Variants in BACH2 observed in about 807,000 individuals in gnomAD.
BACH2 encodes the protein BACH transcriptional regulator 2, also known as transcription regulator protein BACH2.
In BACH2, 5 loss-of-function variants were observed where a neutral mutation model predicts 61.8. The ratio of observed to expected loss-of-function variants is 0.08; its 90% CI spans 0.04 to 0.17. The LOEUF (loss-of-function observed/expected upper bound fraction) is 0.17. Among genes scored for constraint, BACH2 ranks in the 10% least tolerant of loss-of-function variants. BACH2 has a pLI of 1.00. For missense variants in BACH2, 824 were observed against 1,091.1 expected, an observed-to-expected ratio of 0.76 and a Z score of 3.45; for synonymous variants, 446 against 440.1, an observed-to-expected ratio of 1.01 and a Z score of -0.17.
chr6:90,179,011 G>A (rs1294544484), intron 4 of BACH2, among the ~76,000 whole-genome samples: 1 of 152,110 alleles, frequency 6.6e-6, no homozygotes, highest in Non-Finnish European at 1.5e-5. Context: ...ATATACTTAG[G>A]AGGAAGGTAT....
At chr6:90,026,842 T>A (rs1396930809) in intron 5 of BACH2, among the ~76,000 whole-genome samples, 1 of 152,170 alleles carries the variant, frequency 6.6e-6, no homozygotes, top group South Asian at 2.1e-4. Flanking sequence ...GACAAAATGA[T>A]TCTGTTCTGA....
chr6:90,117,872 C>T (rs558344734), intron 4 of BACH2, among the ~76,000 whole-genome samples: 1 of 151,950 alleles, frequency 6.6e-6, no homozygotes, highest in Non-Finnish European at 1.5e-5. Flanking sequence ...TTTTTCGTAC[C>T]AAGCGAGAAT....
intron 4 of BACH2, among the ~76,000 whole-genome samples, chr6:90,102,419 T>C (rs1782675089): frequency 1.3e-5 from 2 of 152,156 alleles, no homozygotes; most frequent in Non-Finnish European, 2.9e-5. Context: ...GGCCTCGCCA[T>C]TCTCAAAGGG....
rs190322101 is a variant in BACH2 at position 89,980,921 on chromosome 6, G to A, written c.243+27681C>T. Among the ~76,000 whole-genome samples the A allele has an allele frequency of 8.0e-3, 1,204 of 150,574 alleles. 10 individuals are homozygous for A. Among genetic ancestry groups the A allele is most frequent in the Non-Finnish European group, 0.014 (934 of 67,788 alleles). ...TTTTCAGTTTTTTTTTTTTTAACCA[G>A]TGAATGGGGTTAGAATGTTCTTCTT... On this transcript the variant is annotated intron_variant, in intron 6 of 8. Coordinates refer to ENST00000257749, the MANE Select transcript of BACH2 (RefSeq NM_021813.4).
chr6:90,273,584 T>A (rs1404180314), intron 1 of BACH2, among the ~76,000 whole-genome samples: 1 of 152,174 alleles, frequency 6.6e-6, no homozygotes. Context: ...ATTTGGCTTA[T>A]ACAGTGTGGA....
chr6:90,011,371 C>T (rs1187882110), intron 5 of BACH2, among the ~76,000 whole-genome samples: 1 of 152,000 alleles, frequency 6.6e-6, no homozygotes, highest in Non-Finnish European at 1.5e-5. Context: ...ATGTATGAAT[C>T]TATTTATGGA....
chr6:90,149,298 G>T (rs1784731419), intron 4 of BACH2, among the ~76,000 whole-genome samples: 1 of 152,188 alleles, frequency 6.6e-6, no homozygotes, highest in African/African-American at 2.4e-5. Flanking sequence ...ATGCTCAAAA[G>T]AACTCAGAAA....
intron 4 of BACH2, among the ~76,000 whole-genome samples, chr6:90,103,822 G>A (rs1180717587): frequency 2.6e-5 from 4 of 152,178 alleles, no homozygotes; most frequent in Admixed American, 2.6e-4. Flanking sequence ...CTCTTGGAGA[G>A]TTAAATGAAG....
At chr6:90,277,919 T>C (rs1217625267) in intron 1 of BACH2, among the ~76,000 whole-genome samples, 1 of 152,198 alleles carries the variant, frequency 6.6e-6, no homozygotes, top group African/African-American at 2.4e-5. Flanking sequence ...AATGTACTTA[T>C]CCGAGAAGCC....
intron 2 of BACH2, among the ~76,000 whole-genome samples, chr6:90,270,170 C>A (rs767983617): frequency 6.6e-6 from 1 of 152,224 alleles, no homozygotes; most frequent in Middle Eastern, 3.4e-3. Context: ...TTTGAAATTG[C>A]GAATTGTGCT....
At chr6:90,126,565 T>C (rs1040426992) in intron 4 of BACH2, among the ~76,000 whole-genome samples, 2 of 152,186 alleles carry the variant, frequency 1.3e-5, no homozygotes, top group East Asian at 3.8e-4. Flanking sequence ...TCAACCCTAG[T>C]GAAGTGATTA....
At chr6:90,158,842 A>T (rs372204678) in intron 4 of BACH2, among the ~76,000 whole-genome samples, 350 of 152,194 alleles carry the variant, frequency 2.3e-3, no homozygotes, top group African/African-American at 8.1e-3. Context: ...GTCCTCTCTC[A>T]GCAAATGAAA....
chr6:90,012,327 T>C (rs918786586), intron 5 of BACH2, among the ~76,000 whole-genome samples: 2 of 151,960 alleles, frequency 1.3e-5, no homozygotes, highest in African/African-American at 4.8e-5. Flanking sequence ...TTTATTTAGA[T>C]CATCTTGAAT....
intron 6 of BACH2, among the ~76,000 whole-genome samples, chr6:89,986,222 T>G (rs1296501949): frequency 2.0e-5 from 3 of 151,230 alleles, no homozygotes; most frequent in Non-Finnish European, 1.5e-5. Context: ...AGTCTGAGTT[T>G]TTTTTTTTTT....
chr6:90,099,389 A>AT (rs3072648), intron 4 of BACH2, among the ~76,000 whole-genome samples: 5 of 151,642 alleles, frequency 3.3e-5, no homozygotes, highest in East Asian at 1.9e-4. Flanking sequence ...CTTTTGTTTT[A>AT]TTTTTTTTAG....
At chr6:90,128,289 TA>T (rs1162764808) in intron 4 of BACH2, among the ~76,000 whole-genome samples, 1 of 151,916 alleles carries the variant, frequency 6.6e-6, no homozygotes, top group Non-Finnish European at 1.5e-5. Flanking sequence ...TGTTTGGTGG[TA>T]AGAGTCTATA....
chr6:89,942,600 G>A (rs1416171868), intron 7 of BACH2, among the ~76,000 whole-genome samples: 3 of 152,124 alleles, frequency 2.0e-5, no homozygotes, highest in Non-Finnish European at 2.9e-5. Flanking sequence ...GTGGACTGTC[G>A]CCATCCCCAC....
intron 4 of BACH2, among the ~76,000 whole-genome samples, chr6:90,184,945 T>C (rs1365514687): frequency 2.0e-5 from 3 of 152,234 alleles, no homozygotes; most frequent in African/African-American, 7.2e-5. Flanking sequence ...GTTAGCTCCA[T>C]GGCCTGTGGC....
At chr6:90,285,593 T>C (rs1771995708) in intron 1 of BACH2, among the ~76,000 whole-genome samples, 1 of 152,214 alleles carries the variant, frequency 6.6e-6, no homozygotes, top group South Asian at 2.1e-4. Flanking sequence ...TGAATCTTTA[T>C]GCAGTCCCTA....
Sources: gnomAD v4.1 joint callset for allele counts (sites outside exome capture counted in the v4.1 genomes callset) on GRCh38, gnomAD v4.1.1 for gene constraint, MANE v1.5 for transcripts, NCBI Gene and HGNC (gene_info 2026-07-23, HGNC 2026-07-21) for gene names.